Variants in IGSF21 observed in about 807,000 individuals in gnomAD.
IGSF21 encodes the protein immunoglobin superfamily member 21.
A neutral mutation model predicts 46.8 loss-of-function variants in IGSF21; 28 were observed. That is an observed-to-expected ratio of 0.60 (90% CI 0.44 to 0.82). The LOEUF is 0.82. Ranked by LOEUF, IGSF21 falls within the 40% of genes least tolerant of loss-of-function variation. IGSF21 has a pLI of 0.00. For synonymous variants in IGSF21, 284 were observed against 273.6 expected (o/e 1.04, Z -0.38); for missense variants, 624 against 665.5 (o/e 0.94, Z 0.69).
intron 1 of IGSF21, among the ~76,000 whole-genome samples, chr1:18,219,012 A>G (rs1215318673): frequency 6.6e-6 from 1 of 152,250 alleles, no homozygotes; most frequent in Admixed American, 6.5e-5. Context: ...TTGGAGGTAG[A>G]TCAATAGAAA....
intron 2 of IGSF21, among the ~76,000 whole-genome samples, chr1:18,244,663 C>T (rs2084767297): frequency 6.6e-6 from 1 of 152,208 alleles, no homozygotes; most frequent in African/African-American, 2.4e-5. Context: ...TGGATGCTGC[C>T]ACAGAGGCCC....
chr1:18,229,921 G>A (rs1006841943), intron 2 of IGSF21, among the ~76,000 whole-genome samples: 2 of 152,204 alleles, frequency 1.3e-5, no homozygotes, highest in African/African-American at 2.4e-5. Context: ...AGGGAGGGGT[G>A]GTGAAAGACA....
intron 3 of IGSF21, among the ~76,000 whole-genome samples, chr1:18,312,059 C>T (rs1486709894): frequency 6.6e-6 from 1 of 152,202 alleles, no homozygotes; most frequent in African/African-American, 2.4e-5. Context: ...CTTCCTTCTG[C>T]TTCTCCGTAG....
In IGSF21 at chr1:18,365,275, C is replaced by T; in HGVS notation, c.593C>T (p.Pro198Leu). The T allele has an allele frequency of 6.2e-7, 1 of 1,613,728 alleles. No individual in the cohort carries two copies. The highest frequency in any genetic ancestry group is 8.5e-7 in the Non-Finnish European group (1 of 1,179,744). Residue 198 changes from proline to leucine, a missense_variant, in exon 6 of 10, where the codon CCA becomes CTA. Pro to Leu is a moderately conservative substitution (Grantham distance 98). Coordinates refer to ENST00000251296, the MANE Select transcript of IGSF21 (RefSeq NM_032880.5). This position sits in a 1 kb window ranked among gnomAD's most constrained non-coding sequence, Gnocchi z 4.8. ...EPIDAVPLSE[P>L]PAASSGPLQD... ...ATCGACGCAGTGCCCCTATCAGAGC[C>T]ACCAGCTGCGAGCTCCGGCCCCCTA...
At chr1:18,124,411 G>A (rs1339781881) in intron 1 of IGSF21, among the ~76,000 whole-genome samples, 1 of 152,200 alleles carries the variant, frequency 6.6e-6, no homozygotes, top group Non-Finnish European at 1.5e-5. Flanking sequence ...TTAAGCCACC[G>A]GCTAAGGGGT....
intron 1 of IGSF21, among the ~76,000 whole-genome samples, chr1:18,148,194 G>A (rs746060926): frequency 4.2e-4 from 62 of 146,816 alleles, no homozygotes; most frequent in Middle Eastern, 3.5e-3. Context: ...GCAGTGGCGC[G>A]ATCTCATCTC....
chr1:18,236,841 G>T (rs577267550), intron 2 of IGSF21, among the ~76,000 whole-genome samples: 15 of 152,312 alleles, frequency 9.8e-5, no homozygotes, highest in African/African-American at 3.4e-4. Context: ...GCAGAGAAAT[G>T]ACCATGAACT....
intron 1 of IGSF21, among the ~76,000 whole-genome samples, chr1:18,182,360 G>A (rs1052617980): frequency 2.6e-5 from 4 of 151,896 alleles, no homozygotes; most frequent in Non-Finnish European, 4.4e-5. Context: ...TGTATTTTTA[G>A]TAGAGACAGG....
chr1:18,252,083 C>A, intron 2 of IGSF21, among the ~76,000 whole-genome samples: 1 of 125,738 alleles, frequency 8.0e-6, no homozygotes, highest in East Asian at 2.5e-4. Context: ...TGGAGTCTCC[C>A]TCTGTCACCC....
intron 3 of IGSF21, among the ~76,000 whole-genome samples, chr1:18,315,315 T>C (rs1236205517): frequency 6.6e-6 from 1 of 152,230 alleles, no homozygotes; most frequent in African/African-American, 2.4e-5. Context: ...CAGATCTTTC[T>C]GTTCTCAGGT....
chr1:18,247,497 G>T (rs574834479), intron 2 of IGSF21, among the ~76,000 whole-genome samples: 2 of 152,124 alleles, frequency 1.3e-5, no homozygotes, highest in Admixed American at 6.5e-5. Flanking sequence ...GGTGAAAGTG[G>T]CAGGAGAGTG....
chr1:18,157,638 A>C (rs2086580369), intron 1 of IGSF21, among the ~76,000 whole-genome samples: 2 of 152,186 alleles, frequency 1.3e-5, no homozygotes, highest in South Asian at 4.1e-4. Flanking sequence ...TGCAACCTGC[A>C]AGTCCAGCCC....
chr1:18,359,487 G>A (rs562364629), intron 4 of IGSF21, among the ~76,000 whole-genome samples: 3 of 130,752 alleles, frequency 2.3e-5, no homozygotes, highest in African/African-American at 9.3e-5. Flanking sequence ...AAGGAAGGAA[G>A]GAAGGAAGGA....
intron 3 of IGSF21, among the ~76,000 whole-genome samples, chr1:18,308,284 C>G (rs904946057): frequency 6.6e-6 from 1 of 152,172 alleles, no homozygotes; most frequent in Non-Finnish European, 1.5e-5. Context: ...CCCTGGCCAG[C>G]CTTTCCAAGT....
intron 1 of IGSF21, among the ~76,000 whole-genome samples, chr1:18,223,118 A>C (rs889036981): frequency 2.0e-5 from 3 of 152,240 alleles, no homozygotes; most frequent in Admixed American, 6.5e-5. Context: ...GCTCATTGCC[A>C]GGCTCTGACC....
intron 1 of IGSF21, among the ~76,000 whole-genome samples, chr1:18,161,212 G>T (rs894960282): frequency 1.3e-5 from 2 of 152,200 alleles, no homozygotes; most frequent in African/African-American, 4.8e-5. Context: ...GTCCCTACGG[G>T]GCCCTCCCAG....
In IGSF21 at chr1:18,230,231, G is replaced by A. The variant is rs528361051; in HGVS notation, c.183+2221G>A. The stretch of plus-strand genomic sequence containing the variant: ...GATGGTGAGCAGGACTGGGGCAGGA[G>A]GATCCATGTCCTGGGCTGGACAGAG... On this transcript the variant is annotated intron_variant, in intron 2 of 9. Transcript: ENST00000251296. Among the ~76,000 whole-genome samples, 231 of 152,296 alleles carry A rather than the reference G, an allele frequency of 1.5e-3. 1 individual carries two copies. In the Middle Eastern group the frequency reaches 0.02, roughly 13 times the overall value.
At chr1:18,329,448 G>A (rs1231688654) in intron 3 of IGSF21, among the ~76,000 whole-genome samples, 1 of 152,136 alleles carries the variant, frequency 6.6e-6, no homozygotes, top group Non-Finnish European at 1.5e-5. Context: ...CTTGACTCCT[G>A]GTGCAGACTG....
chr1:18,226,672 T>C (rs1055271434), intron 1 of IGSF21, among the ~76,000 whole-genome samples: 1 of 152,242 alleles, frequency 6.6e-6, no homozygotes, highest in African/African-American at 2.4e-5. Context: ...GTTTTGTTTT[T>C]TGTTTTCCTG....
Sources: gnomAD v4.1 joint callset for allele counts (sites outside exome capture counted in the v4.1 genomes callset) on GRCh38, gnomAD v4.1.1 for gene constraint, Gnocchi (gnomAD v3.1) non-coding constraint, MANE v1.5 for transcripts, NCBI Gene and HGNC (gene_info 2026-07-23, HGNC 2026-07-21) for gene names.